Variants in KMO observed in about 807,000 individuals in gnomAD.
KMO encodes kynurenine 3-monooxygenase.
In KMO, 24 loss-of-function variants were observed where a neutral mutation model predicts 57.8. That is an observed-to-expected ratio of 0.42 (90% CI 0.30 to 0.58). The LOEUF (loss-of-function observed/expected upper bound fraction) is 0.58, where lower values mean the gene tolerates loss of function less well. KMO is among the 20% of genes least tolerant of loss of function. The pLI is 0.22. For missense variants in KMO, 483 were observed against 588.2 expected (o/e 0.82, Z 1.85); for synonymous variants, 210 against 193.6 (o/e 1.08, Z -0.70).
intron 2 of KMO, among the ~76,000 whole-genome samples, chr1:241,549,202 G>GAAAGA (rs1661277193): frequency 5.0e-5 from 1 of 19,926 alleles, no homozygotes; most frequent in African/African-American, 1.6e-4. Context: ...GAAAGAAAAG[G>GAAAGA]AAGAAAGAAA....
At chr1:241,582,503 G>C (rs1662790642) in intron 10 of KMO, among the ~76,000 whole-genome samples, 2 of 152,086 alleles carry the variant, frequency 1.3e-5, no homozygotes, top group South Asian at 2.1e-4. Flanking sequence ...TATATAGCCT[G>C]TCTTCCAGCT....
chr1:241,560,402 A>G (rs796141641), intron 5 of KMO, among the ~76,000 whole-genome samples: 8 of 152,348 alleles, frequency 5.3e-5, no homozygotes, highest in African/African-American at 1.9e-4. Flanking sequence ...CAGCAATGCA[A>G]GAGTTTGCAC....
intron 7 of KMO, among the ~76,000 whole-genome samples, chr1:241,562,862 A>AGAAGGAAG (rs1173823057): frequency 7.4e-4 from 77 of 104,566 alleles, no homozygotes; most frequent in African/African-American, 1.5e-3. Context: ...AAGGAAGGAA[A>AGAAGGAAG]GAAGGAAGGA....
At chr1:241,533,996 C>T (rs1660670496) in intron 1 of KMO, among the ~76,000 whole-genome samples, 1 of 152,204 alleles carries the variant, frequency 6.6e-6, no homozygotes, top group African/African-American at 2.4e-5. Flanking sequence ...GAAAGAAAGG[C>T]AGGAACTGCC....
At chr1:241,561,100 G>A (rs973979590) in intron 6 of KMO, among the ~76,000 whole-genome samples, 4 of 151,950 alleles carry the variant, frequency 2.6e-5, no homozygotes, top group Non-Finnish European at 5.9e-5. Flanking sequence ...CCTTTCCTTG[G>A]ATGATTCTAT....
chr1:241,537,715 T>C (rs1179012996), intron 1 of KMO, among the ~76,000 whole-genome samples: 2 of 152,146 alleles, frequency 1.3e-5, no homozygotes, highest in East Asian at 1.9e-4. Context: ...GCAAAAGGCA[T>C]GTCTTACATG....
chr1:241,540,722 C>T (rs1159943579), intron 1 of KMO, among the ~76,000 whole-genome samples: 1 of 151,920 alleles, frequency 6.6e-6, no homozygotes, highest in East Asian at 1.9e-4. Flanking sequence ...AGATAAGGAG[C>T]TAATAAACAA....
chr1:241,576,315 T>G (rs567840153), intron 10 of KMO, among the ~76,000 whole-genome samples: 2 of 152,218 alleles, frequency 1.3e-5, no homozygotes, highest in East Asian at 3.9e-4. Flanking sequence ...AATTGTTACC[T>G]AGATACTTTG....
intron 1 of KMO, among the ~76,000 whole-genome samples, chr1:241,543,546 G>T (rs1292520117): frequency 1.3e-5 from 2 of 151,926 alleles, no homozygotes; most frequent in Non-Finnish European, 2.9e-5. Context: ...TTTTTTGTTT[G>T]TCTATTTTAG....
At chr1:241,558,008 C>A (rs1328734696) in intron 5 of KMO, among the ~76,000 whole-genome samples, 1 of 152,176 alleles carries the variant, frequency 6.6e-6, no homozygotes, top group Non-Finnish European at 1.5e-5. Context: ...CTTTCAACAA[C>A]TCTATGAGGG....
intron 9 of KMO, 74 bp downstream of exon 9, chr1:241,566,686 T>C (rs1211660100): frequency 4.5e-6 from 7 of 1,541,172 alleles, no homozygotes; most frequent in Non-Finnish European, 5.4e-6. Context: ...ATGCACCTGA[T>C]TTCAGTTTGG....
chr1:241,546,912 G>A (rs957843213), intron 1 of KMO, among the ~76,000 whole-genome samples: 9 of 152,152 alleles, frequency 5.9e-5, no homozygotes, highest in South Asian at 2.1e-4. Context: ...ATATTTGTCC[G>A]TCTTTGCAAT....
intron 14 of KMO, among the ~76,000 whole-genome samples, chr1:241,590,570 A>T (rs1392122157): frequency 1.3e-5 from 2 of 152,238 alleles, no homozygotes; most frequent in Non-Finnish European, 2.9e-5. Context: ...CAATATTCTT[A>T]TGAGTTTAAT....
chr1:241,576,300 A>G (rs906709729), intron 10 of KMO, among the ~76,000 whole-genome samples: 1 of 152,040 alleles, frequency 6.6e-6, no homozygotes, highest in African/African-American at 2.4e-5. Flanking sequence ...TTCAGTCATC[A>G]TGTTAATTGT....
Position 241,555,624 on chromosome 1 carries a change from G to T in KMO, c.325G>T (p.Val109Leu). 6.4e-7 allele frequency: 1 copy of T among 1,568,910 alleles called. No individual in the cohort carries two copies. Among genetic ancestry groups the T allele is most frequent in the South Asian group, 1.1e-5 (1 of 89,988 alleles). ...YGTKSQYILS[V>L]SRENLNKDLL... ...ACTTTTCTTGCAGTATATTCTTTCT[G>T]TAAGCAGAGAAAATCTAAACAAGGA... Residue 109 changes from valine (V) to leucine (L), a missense_variant, in exon 5 of 15, where the codon GTA becomes TTA. This residue lies in a region of KMO where 410 missense variants were observed against 492.3 expected (regional missense o/e 0.83). Coordinates refer to ENST00000366559, the MANE Select transcript of KMO (RefSeq NM_003679.5).
chr1:241,566,379 C>A, intron 8 of KMO, 112 bp from the exon 9 acceptor site: 2 of 1,192,084 alleles, frequency 1.7e-6, no homozygotes, highest in Non-Finnish European at 2.3e-6. Flanking sequence ...CTTGGACATT[C>A]CTTCCAAAAG....
chr1:241,543,754 G>A lies in KMO; in HGVS notation c.55-5075G>A, dbSNP rs1430691342. On this transcript the variant is annotated intron_variant, in intron 1 of 14. Coordinates refer to ENST00000366559, the MANE Select transcript of KMO (RefSeq NM_003679.5). ...CTTCTCTAGCACTTAATATTTTCAT[G>A]AGCCTAAGTTAGATTTAATCTTAAT... Among the ~76,000 whole-genome samples, 5 of 152,232 alleles carry A rather than the reference G, an allele frequency of 3.3e-5. No individual in the cohort carries two copies. The East Asian group carries it at 9.6e-4, about 29-fold the overall frequency.
intron 4 of KMO, among the ~76,000 whole-genome samples, chr1:241,553,111 C>A (rs1322455219): frequency 6.6e-6 from 1 of 152,134 alleles, no homozygotes; most frequent in Non-Finnish European, 1.5e-5. Context: ...TATATCTAAC[C>A]TTTTTTAGGT....
Position 241,594,717 on chromosome 1 carries a change from ATAT to A in KMO, c.*2567_*2569del, listed in dbSNP as rs764230322. ...CTGGGCAGAGAAAAAATAAAGTGGA[ATAT>A]TAAGTAAAAGTTGGGCACTAATCTG... On this transcript the variant is annotated 3_prime_UTR_variant, in exon 15 of 15. Coordinates refer to ENST00000366559, the MANE Select transcript of KMO (RefSeq NM_003679.5). 6 of 1,601,790 alleles carry A rather than the reference ATAT, an allele frequency of 3.7e-6. No homozygotes were observed. The South Asian group carries it at 4.5e-5, about 12-fold the overall frequency.
Sources: allele counts gnomAD v4.1 joint callset (sites outside exome capture counted in the v4.1 genomes callset), GRCh38; gene constraint gnomAD v4.1.1; regional missense constraint gnomAD v4.1.1; transcripts MANE v1.5; gene names NCBI Gene and HGNC (gene_info 2026-07-23, HGNC 2026-07-21).